SAMTOR: variants seen among roughly 807,000 people sequenced by gnomAD.
The protein encoded by SAMTOR is UPF0532 protein C7orf60.
the SAMTOR span, among the ~76,000 whole-genome samples, chr7:112,917,617 A>C: frequency 6.6e-6 from 1 of 152,246 alleles, no homozygotes; most frequent in African/African-American, 2.4e-5. Context: ...TGACAAGCTG[A>C]GAGAAGAAGG....
At chr7:112,869,344 G>A in the SAMTOR span, among the ~76,000 whole-genome samples, 1 of 151,774 alleles carries the variant, frequency 6.6e-6, no homozygotes, top group Non-Finnish European at 1.5e-5. Flanking sequence ...TGCCTCTGTC[G>A]CCTCCTGCTG....
At chr7:112,849,062 AC>A in the SAMTOR span, among the ~76,000 whole-genome samples, 2 of 151,278 alleles carry the variant, frequency 1.3e-5, no homozygotes, top group East Asian at 1.9e-4. Context: ...AAAAAAAAAA[AC>A]AAAGAAAAAA....
chr7:112,837,817 T>C, the SAMTOR span, among the ~76,000 whole-genome samples: 4 of 151,946 alleles, frequency 2.6e-5, no homozygotes, highest in African/African-American at 9.7e-5. Flanking sequence ...TCATAACATT[T>C]TCATCAATAC....
chr7:112,915,409 C>T, the SAMTOR span: 19 of 1,613,052 alleles, frequency 1.2e-5, no homozygotes. Flanking sequence ...GTTTCTTCAT[C>T]CTCACAGTGT....
At chr7:112,902,231 G>GT in the SAMTOR span, among the ~76,000 whole-genome samples, 1 of 151,234 alleles carries the variant, frequency 6.6e-6, no homozygotes, top group Non-Finnish European at 1.5e-5. Flanking sequence ...GGAGAAATCC[G>GT]TGTCTACTAA....
chr7:112,839,792 G>C, the SAMTOR span, among the ~76,000 whole-genome samples: 1 of 151,512 alleles, frequency 6.6e-6, no homozygotes, highest in Non-Finnish European at 1.5e-5. Flanking sequence ...TTCAATATTT[G>C]TTTCATATAT....
chr7:112,880,663 T>C, the SAMTOR span, among the ~76,000 whole-genome samples: 1 of 152,206 alleles, frequency 6.6e-6, no homozygotes, highest in African/African-American at 2.4e-5. Flanking sequence ...ACATCTGGTA[T>C]TTGTAATTAT....
chr7:112,821,614 CAA>C, the SAMTOR span: 3 of 845,478 alleles, frequency 3.5e-6, no homozygotes, highest in African/African-American at 5.3e-5. Flanking sequence ...AAAAAAATAG[CAA>C]ACTCTGTAAA....
the SAMTOR span, chr7:112,832,462 C>A: frequency 1.4e-6 from 1 of 726,658 alleles, no homozygotes; most frequent in East Asian, 2.6e-5. Flanking sequence ...AATGGGTACA[C>A]AGGAAATACA....
chr7:112,844,803 A>C, the SAMTOR span, among the ~76,000 whole-genome samples: 1 of 152,196 alleles, frequency 6.6e-6, no homozygotes, highest in Non-Finnish European at 1.5e-5. Flanking sequence ...AATCCTAAGC[A>C]AAAAGAACAA....
At chr7:112,829,711 A>G in the SAMTOR span, among the ~76,000 whole-genome samples, 1 of 152,164 alleles carries the variant, frequency 6.6e-6, no homozygotes, top group South Asian at 2.1e-4. Flanking sequence ...TCTTACTTTT[A>G]AGATTTGTTA....
At chr7:112,935,279 TAAGAA>T in the SAMTOR span, 2 of 422,564 alleles carry the variant, frequency 4.7e-6, no homozygotes, top group African/African-American at 4.2e-5. Flanking sequence ...GGAAAAAAAA[TAAGAA>T]AAGTTCAATT....
chr7:112,895,609 A>C, the SAMTOR span: 1 of 1,578,732 alleles, frequency 6.3e-7, no homozygotes. Context: ...AGGTTGGTTA[A>C]ATGACCTTCA....
At chr7:112,875,297 T>C in the SAMTOR span, among the ~76,000 whole-genome samples, 1 of 152,124 alleles carries the variant, frequency 6.6e-6, no homozygotes, top group African/African-American at 2.4e-5. Flanking sequence ...AACCCACGGG[T>C]TGTGTGAGTA....
the SAMTOR span, among the ~76,000 whole-genome samples, chr7:112,891,952 A>G: frequency 6.6e-6 from 1 of 152,234 alleles, no homozygotes; most frequent in Non-Finnish European, 1.5e-5. Flanking sequence ...GGCTGTACCT[A>G]TCATGAATGA....
the SAMTOR span, among the ~76,000 whole-genome samples, chr7:112,899,789 G>GAAAAAAAAAAAAAA: frequency 2.6e-5 from 3 of 113,378 alleles, no homozygotes; most frequent in African/African-American, 1.1e-4. Context: ...TGTGCTGAAG[G>GAAAAAAAAAAAAAA]AAAAAAAAAA....
the SAMTOR span, among the ~76,000 whole-genome samples, chr7:112,858,955 C>T: frequency 2.0e-5 from 3 of 152,230 alleles, no homozygotes; most frequent in African/African-American, 4.8e-5. Flanking sequence ...GTTTAGATGT[C>T]GTTGTGAAGG....
chr7:112,828,528 C>A, the SAMTOR span, among the ~76,000 whole-genome samples: 1 of 152,254 alleles, frequency 6.6e-6, no homozygotes, highest in African/African-American at 2.4e-5. Flanking sequence ...ACTGTAATCA[C>A]CCCTGTTTAA....
chr7:112,893,917 T>C, the SAMTOR span, among the ~76,000 whole-genome samples: 4 of 152,204 alleles, frequency 2.6e-5, no homozygotes, highest in African/African-American at 9.6e-5. Flanking sequence ...TAAAATAAAA[T>C]ACAATAAAAT....
Sources: allele counts gnomAD v4.1 joint callset (sites outside exome capture counted in the v4.1 genomes callset), GRCh38; gene constraint gnomAD v4.1.1; transcripts MANE v1.5; gene names NCBI Gene and HGNC (gene_info 2026-07-23, HGNC 2026-07-21).